Variants in TBC1D31 observed in about 807,000 individuals in gnomAD.
TBC1D31 encodes the protein WD repeat domain 67.
In TBC1D31, 99 loss-of-function variants were observed where a neutral mutation model predicts 132.9. The observed-to-expected ratio is 0.74, with a 90% CI of 0.63 to 0.88. TBC1D31 has a LOEUF of 0.88. Among genes scored for constraint, TBC1D31 ranks in the 40% least tolerant of loss-of-function variants. TBC1D31 has a pLI of 0.00. For synonymous variants in TBC1D31, 385 were observed against 419.4 expected, an observed-to-expected ratio of 0.92 and a Z score of 1.00; for missense variants, 1,134 against 1,256.6, an observed-to-expected ratio of 0.90 and a Z score of 1.48.
chr8:123,128,067 T>G, intron 13 of TBC1D31: 1 of 362,152 alleles, frequency 2.8e-6, no homozygotes, highest in Non-Finnish European at 4.9e-6. Context: ...CATTTTTTAA[T>G]TTTATGTCAG....
rs1181773190 is a variant in TBC1D31 at position 123,144,775 on chromosome 8, T to G, written c.2894T>G (p.Leu965Arg). 6.2e-7 allele frequency: 1 copy of G among 1,613,364 alleles called. No individual in the cohort carries two copies. Among genetic ancestry groups the G allele is most frequent in the African/African-American group, 1.3e-5 (1 of 74,888 alleles). Reference sequence around the variant, plus strand: ...AGATCAGCAAAGAAAGCTTCTGCTCTTTCAGATGCGTCTAGAAAGTGGTTT... The same window carrying G: ...AGATCAGCAAAGAAAGCTTCTGCTCGTTCAGATGCGTCTAGAAAGTGGTTT... ...RLRSAKKASA[L>R]SDASRKWFLK... Residue 965 changes from leucine (L) to arginine (R), a missense_variant, in exon 20 of 22, where the codon CTT becomes CGT. By Grantham distance (102) the Leu-to-Arg change is moderately radical. Transcript: ENST00000287380.
Position 123,101,003 on chromosome 8 carries a change from A to C in TBC1D31, c.1028A>C (p.Asn343Thr). The change falls in exon 7 of 22, where the codon AAT becomes ACT. Residue 343 changes from asparagine to threonine, a missense_variant. Coordinates refer to ENST00000287380, the MANE Select transcript of TBC1D31 (RefSeq NM_145647.4). Reference sequence around the variant, plus strand: ...GTTCAGGCTTTAACACAAGAAATAAATAAGGTATGTATGATGAAGTAATCA... The same window carrying C: ...GTTCAGGCTTTAACACAAGAAATAACTAAGGTATGTATGATGAAGTAATCA... ...YSVQALTQEI[N>T]KPPPPLVKVI... The C allele has an allele frequency of 6.2e-7, 1 of 1,605,488 alleles. No individual in the cohort carries two copies. Among genetic ancestry groups the C allele is most frequent in the Non-Finnish European group, 8.5e-7 (1 of 1,172,242 alleles).
chr8:123,091,750 G>A (rs1197085984), intron 4 of TBC1D31, among the ~76,000 whole-genome samples: 6 of 152,086 alleles, frequency 3.9e-5, no homozygotes, highest in East Asian at 3.8e-4. Flanking sequence ...AAACTTTTAC[G>A]AGAAAATATT....
intron 18 of TBC1D31, among the ~76,000 whole-genome samples, chr8:123,141,844 C>CTTTTTTTTTTTTTTTT (rs1160750679): frequency 7.7e-5 from 4 of 52,040 alleles, no homozygotes; most frequent in African/African-American, 2.5e-4. Flanking sequence ...TTGAAGAGCT[C>CTTTTTTTTTTTTTTTT]TTTTTTTTTT....
chr8:123,090,810 G>A (rs1456825186), intron 4 of TBC1D31, among the ~76,000 whole-genome samples: 3 of 152,134 alleles, frequency 2.0e-5, no homozygotes, highest in South Asian at 4.1e-4. Context: ...AAAATTAGCC[G>A]GGCATGTTGG....
chr8:123,157,439 G>C, the TBC1D31 span, among the ~76,000 whole-genome samples: 8 of 152,088 alleles, frequency 5.3e-5, no homozygotes, highest in African/African-American at 1.9e-4. Flanking sequence ...TCCTGCCCCT[G>C]TCCCGTTTGT....
intron 16 of TBC1D31, among the ~76,000 whole-genome samples, chr8:123,132,352 A>G (rs1820706285): frequency 6.7e-6 from 1 of 149,430 alleles, no homozygotes; most frequent in African/African-American, 2.5e-5. Context: ...TTTATGCACT[A>G]ATTTAGAGTT....
intron 4 of TBC1D31, among the ~76,000 whole-genome samples, chr8:123,089,821 A>G (rs1012692867): frequency 6.6e-6 from 1 of 152,266 alleles, no homozygotes; most frequent in African/African-American, 2.4e-5. Flanking sequence ...TCTGACCTCA[A>G]TTCATTTGGC....
At chr8:123,155,461 T>A (rs1214442657), downstream of TBC1D31, among the ~76,000 whole-genome samples, 1 of 152,126 alleles carries the variant, frequency 6.6e-6, no homozygotes, top group South Asian at 2.1e-4. The surrounding 1 kb of genome is among the most constrained non-coding windows in gnomAD (Gnocchi z 4.1). Context: ...GTAGTAGTAG[T>A]AAAGGATTTG....
downstream of TBC1D31, among the ~76,000 whole-genome samples, chr8:123,154,472 G>A (rs771573149): frequency 6.6e-6 from 1 of 152,174 alleles, no homozygotes. Context: ...CCAGGCCAGG[G>A]GTAGTCCATG....
chr8:123,131,363 C>CAAAAAAA (rs59929988), intron 16 of TBC1D31, among the ~76,000 whole-genome samples: 2 of 64,912 alleles, frequency 3.1e-5, no homozygotes, highest in African/African-American at 5.7e-5. Context: ...GACTCAGTCT[C>CAAAAAAA]AAAAAAAAAA....
chr8:123,113,239 C>A (rs6990719), intron 10 of TBC1D31, among the ~76,000 whole-genome samples: 1 of 151,900 alleles, frequency 6.6e-6, no homozygotes, highest in African/African-American at 2.4e-5. Context: ...TATAATTTTT[C>A]CGTATCCTAG....
chr8:123,072,913 G>C (rs950385033), intron 1 of TBC1D31, 67 bp downstream of exon 1: 66 of 1,452,386 alleles, frequency 4.5e-5, no homozygotes, highest in Non-Finnish European at 6.2e-5. Flanking sequence ...GGGACGCCGG[G>C]CGTCAGGCAG....
At chr8:123,163,708 G>A in the TBC1D31 span, among the ~76,000 whole-genome samples, 1 of 152,094 alleles carries the variant, frequency 6.6e-6, no homozygotes, top group South Asian at 2.1e-4. Flanking sequence ...AATACCTTTG[G>A]GGGGTACAGG....
intron 6 of TBC1D31, among the ~76,000 whole-genome samples, chr8:123,098,011 T>C (rs2130298102): frequency 6.6e-6 from 1 of 152,338 alleles, no homozygotes; most frequent in Non-Finnish European, 1.5e-5. Flanking sequence ...ACCTTAACTT[T>C]CTTGTTTCAA....
At chr8:123,102,544 T>C (rs1817543972) in intron 7 of TBC1D31, 1 of 298,744 alleles carries the variant, frequency 3.3e-6, no homozygotes, top group Non-Finnish European at 6.5e-6. Context: ...ATTTCTTTTC[T>C]ATGTGTGTAA....
At chr8:123,077,911 G>A (rs1477693074) in intron 2 of TBC1D31, among the ~76,000 whole-genome samples, 10 of 152,056 alleles carry the variant, frequency 6.6e-5, no homozygotes, top group Admixed American at 6.6e-4. Flanking sequence ...AGCTGGGTGT[G>A]GAGGTGCACG....
At chr8:123,076,122 C>T (rs1170180574) in intron 1 of TBC1D31, among the ~76,000 whole-genome samples, 1 of 151,956 alleles carries the variant, frequency 6.6e-6, no homozygotes, top group Non-Finnish European at 1.5e-5. Flanking sequence ...CCTTTGGAGA[C>T]AGGGTCTTAC....
chr8:123,083,987 T>C (rs4871345), intron 3 of TBC1D31, 175 bp from the exon 4 acceptor site: 199,393 of 535,558 alleles, frequency 0.37, 40,216 homozygotes, highest in African/African-American at 0.61. Context: ...GCTAACATGT[T>C]CCGTCATACA....
Sources: allele counts gnomAD v4.1 joint callset (sites outside exome capture counted in the v4.1 genomes callset), GRCh38; gene constraint gnomAD v4.1.1; non-coding constraint Gnocchi (gnomAD v3.1); transcripts MANE v1.5; gene names NCBI Gene and HGNC (gene_info 2026-07-23, HGNC 2026-07-21).